Variants in CCDC125 observed in about 807,000 individuals in gnomAD.
CCDC125 encodes the protein coiled-coil domain containing 125.
In CCDC125, 43 loss-of-function variants were observed where a neutral mutation model predicts 57.4. The ratio of observed to expected loss-of-function variants is 0.75; its 90% CI spans 0.59 to 0.97. The LOEUF (loss-of-function observed/expected upper bound fraction) is 0.97. Ranked by LOEUF, CCDC125 falls within the 50% of genes least tolerant of loss-of-function variation. CCDC125 has a pLI of 0.00. For missense variants in CCDC125, 563 were observed against 595.7 expected, an observed-to-expected ratio of 0.95 and a Z score of 0.57; for synonymous variants, 187 against 195.2, an observed-to-expected ratio of 0.96 and a Z score of 0.35.
intron 10 of CCDC125, among the ~76,000 whole-genome samples, chr5:69,289,378 G>A (rs1442008422): frequency 6.6e-6 from 1 of 152,184 alleles, no homozygotes; most frequent in African/African-American, 2.4e-5. Flanking sequence ...GCTGTGGTCC[G>A]TGGTAGAACC....
intron 10 of CCDC125, among the ~76,000 whole-genome samples, chr5:69,288,141 T>C (rs2150323167): frequency 6.6e-6 from 1 of 152,284 alleles, no homozygotes; most frequent in African/African-American, 2.4e-5. Context: ...ACACAATTCT[T>C]AAGACTGTAA....
chr5:69,282,729 TTAAAA>T lies in CCDC125; in HGVS notation c.1531_1535del (p.Phe511LysfsTer18). 6.4e-7 allele frequency: 1 copy of T among 1,574,224 alleles called. No homozygotes were observed. The highest frequency in any genetic ancestry group is 1.2e-5 in the South Asian group (1 of 83,946). On this transcript the variant is annotated frameshift_variant and stop_lost, in exon 12 of 12. Transcript: ENST00000396496. LOFTEE classifies it high-confidence loss of function. ...AGTTCCAATTTCAACTGGCTTGTCT[TTAAAA>T]TATGATACTTGATGGCAAAGAATGG...
rs2150603140 is a variant in CCDC125 at position 69,320,485 on chromosome 5, T to A, written c.56A>T (p.Glu19Val). ...SESDVQLWET[E>V]EDDMTEGDLG... is the part of the protein sequence containing the mutation. ...ATCACCTTCTGTCATGTCATCCTCT[T>A]CTGTTTCCCAGAGCTGCACGTCTGA... Residue 19 changes from glutamate to valine, a missense_variant, in exon 2 of 12, where the codon GAA becomes GTA. By Grantham distance (121) the Glu-to-Val change is moderately radical. Coordinates refer to ENST00000396496, the MANE Select transcript of CCDC125 (RefSeq NM_176816.5). The A allele has an allele frequency of 1.9e-6, 3 of 1,613,710 alleles. No individual in the cohort carries two copies. Among genetic ancestry groups the A allele is most frequent in the African/African-American group, 1.3e-5 (1 of 75,040 alleles).
At chr5:69,277,078 T>C (rs1304176868), downstream of CCDC125, 1 of 1,573,820 alleles carries the variant, frequency 6.4e-7, no homozygotes, top group Admixed American at 1.9e-5. Flanking sequence ...TGAACAACTT[T>C]TTTTTTTCTT....
chr5:69,329,499 CTT>C (rs535306741), intron 1 of CCDC125, among the ~76,000 whole-genome samples: 3 of 95,302 alleles, frequency 3.1e-5, no homozygotes, highest in African/African-American at 3.9e-5. Context: ...GGATTCAAGT[CTT>C]TTTTTTTTTT....
chr5:69,309,363 G>A (rs913007969), intron 4 of CCDC125: 5 of 152,364 alleles, frequency 3.3e-5, no homozygotes, highest in Non-Finnish European at 7.3e-5. Context: ...GCAGTCTAAG[G>A]ACTTGGTGCC....
At chr5:69,284,865 G>A (rs1055313390) in intron 11 of CCDC125, among the ~76,000 whole-genome samples, 36 of 152,280 alleles carry the variant, frequency 2.4e-4, no homozygotes, top group Non-Finnish European at 5.9e-5. Flanking sequence ...GCCGAGGTGG[G>A]CAGATCACTT....
At chr5:69,332,523 T>C (rs986269919) in intron 1 of CCDC125, 126 bp downstream of exon 1, 2 of 152,176 alleles carry the variant, frequency 1.3e-5, no homozygotes. Context: ...TTTTTTCTTA[T>C]CAGACGAGGC....
intron 8 of CCDC125, among the ~76,000 whole-genome samples, chr5:69,299,656 C>A: frequency 6.6e-6 from 1 of 152,210 alleles, no homozygotes; most frequent in East Asian, 1.9e-4. Context: ...TGCTTTGCAG[C>A]CCTCACAAGA....
Position 69,282,432 on chromosome 5 carries a change from C to T in CCDC125, c.*297G>A, listed in dbSNP as rs528338669. On this transcript the variant is annotated 3_prime_UTR_variant, in exon 12 of 12. Coordinates refer to ENST00000396496, the MANE Select transcript of CCDC125 (RefSeq NM_176816.5). ...CAAAAATTAGCTGGGCGTGGTGGCA[C>T]ATGCCTGTAATCCGAGTTACTCGGG... 40 of 239,214 alleles carry T rather than the reference C, an allele frequency of 1.7e-4. No homozygotes were observed. The highest frequency in any genetic ancestry group is 8.4e-4 in the African/African-American group (37 of 44,162). 14.8% of individuals were successfully genotyped at this position (239,214 alleles called of 1,614,324 possible).
the CCDC125 span, chr5:69,273,192 C>G: frequency 1.0e-4 from 57 of 566,284 alleles, no homozygotes; most frequent in Non-Finnish European, 1.6e-4. Context: ...TATCTTTTCC[C>G]CAAACTACAA....
chr5:69,322,257 T>A (rs1243536319), intron 1 of CCDC125, among the ~76,000 whole-genome samples: 1 of 152,016 alleles, frequency 6.6e-6, no homozygotes, highest in Non-Finnish European at 1.5e-5. Flanking sequence ...GTAGCTCGGA[T>A]GACAGGAGTG....
chr5:69,286,385 C>A (rs1182073069), intron 10 of CCDC125, among the ~76,000 whole-genome samples: 1 of 151,114 alleles, frequency 6.6e-6, no homozygotes, highest in East Asian at 1.9e-4. Flanking sequence ...GCGCCCGCCA[C>A]CACGTCCGGC....
At chr5:69,307,499 G>A (rs978845536) in intron 5 of CCDC125, among the ~76,000 whole-genome samples, 4 of 151,920 alleles carry the variant, frequency 2.6e-5, no homozygotes, top group East Asian at 1.9e-4. Flanking sequence ...TGGTTAACAT[G>A]GTGAAATCCT....
intron 1 of CCDC125, among the ~76,000 whole-genome samples, chr5:69,325,825 C>CAA (rs70992925): frequency 1.1e-4 from 4 of 35,656 alleles, no homozygotes; most frequent in Non-Finnish European, 2.1e-4. Context: ...CCCTCTGTCT[C>CAA]AAAAAAAAAA....
chr5:69,281,085 T>G lies in CCDC125; in HGVS notation c.*1644A>C, dbSNP rs952435948. ...CACTGCACCCGGCCTTGATAGCCAT[T>G]TGTTTTCATACACAGCAGCAATTAG... On this transcript the variant is annotated 3_prime_UTR_variant, in exon 12 of 12. Coordinates refer to ENST00000396496, the MANE Select transcript of CCDC125 (RefSeq NM_176816.5). 18 of 152,274 alleles carry G rather than the reference T, an allele frequency of 1.2e-4. No individual in the cohort carries two copies. Among genetic ancestry groups the G allele is most frequent in the African/African-American group, 4.3e-4 (18 of 41,468 alleles). 9.4% of individuals were successfully genotyped at this position (152,274 alleles called of 1,614,324 possible).
rs1221126184 is a variant in CCDC125 at position 69,320,402 on chromosome 5, T to A, written c.139A>T (p.Arg47Trp). 1.2e-6 allele frequency: 2 copies of A among 1,614,158 alleles called. No homozygotes were observed. Among genetic ancestry groups the A allele is most frequent in the African/African-American group, 2.7e-5 (2 of 75,050 alleles). The change falls in exon 2 of 12, where the codon AGG (arginine) becomes TGG (tryptophan). Residue 47 changes from arginine (R) to tryptophan (W), a missense_variant. By Grantham distance (101) the Arg-to-Trp change is moderately radical. Coordinates refer to ENST00000396496, the MANE Select transcript of CCDC125 (RefSeq NM_176816.5). Reference protein sequence around the residue: ...GGIYEIEFSHRSRKRSDGKNF... With the variant: ...GGIYEIEFSHWSRKRSDGKNF... ...TTTCCATCTGATCTTTTTCTAGACC[T>A]ATGTGAAAATTCTATTTCATAAATC...
intron 10 of CCDC125, among the ~76,000 whole-genome samples, 172 bp from the exon 11 acceptor site, chr5:69,285,639 A>G (rs1370858966): frequency 6.6e-6 from 1 of 152,238 alleles, no homozygotes; most frequent in Non-Finnish European, 1.5e-5. Context: ...AGAGGCAGCA[A>G]GAGTGCCGCC....
chr5:69,298,871 G>A (rs1323995339), intron 8 of CCDC125, among the ~76,000 whole-genome samples: 1 of 152,140 alleles, frequency 6.6e-6, no homozygotes, highest in Non-Finnish European at 1.5e-5. Flanking sequence ...CTGTCTACAG[G>A]CTGCAAATCC....
Sources: allele counts gnomAD v4.1 joint callset (sites outside exome capture counted in the v4.1 genomes callset), GRCh38; gene constraint gnomAD v4.1.1; transcripts MANE v1.5; gene names NCBI Gene and HGNC (gene_info 2026-07-23, HGNC 2026-07-21).